Variants in TAF5 observed in about 807,000 individuals in gnomAD.
TAF5 encodes the protein TATA-box binding protein associated factor 5.
In TAF5, 20 loss-of-function variants were observed where a neutral mutation model predicts 80.9. The ratio of observed to expected loss-of-function variants is 0.25; its 90% CI spans 0.17 to 0.36. TAF5 has a LOEUF of 0.36. Ranked by LOEUF, TAF5 falls within the 10% of genes least tolerant of loss-of-function variation. The pLI, the probability that TAF5 is intolerant of heterozygous loss-of-function variation, is 1.00. For missense variants in TAF5, 863 were observed against 1,029.4 expected (o/e 0.84, Z 2.21); for synonymous variants, 388 against 406.4 (o/e 0.95, Z 0.55).
intron 2 of TAF5, 45 bp downstream of exon 2, chr10:103,373,640 T>TGTGTGTGTGC: frequency 7.1e-7 from 1 of 1,403,232 alleles, no homozygotes. Context: ...ATACGTAGTG[T>TGTGTGTGTGC]GTGTGTGTGC....
chr10:103,379,230 C>T (rs2093376568), intron 3 of TAF5, among the ~76,000 whole-genome samples: 1 of 152,210 alleles, frequency 6.6e-6, no homozygotes, highest in Non-Finnish European at 1.5e-5. Flanking sequence ...ATGGCTGTTG[C>T]AGTTTCAGCA....
rs1218924005 is a variant in TAF5 at position 103,387,503 on chromosome 10, C to A, written c.2008-18C>A. ...TTTCCTAGACATACTTTGATCTTTT[C>A]TATGAACTTTTTTCTAGGGACCAAT... On this transcript the variant is annotated intron_variant, in intron 9 of 10. Coordinates refer to ENST00000369839, the MANE Select transcript of TAF5 (RefSeq NM_006951.5). 6.3e-7 allele frequency: 1 copy of A among 1,599,510 alleles called. No individual in the cohort carries two copies. The highest frequency in any genetic ancestry group is 2.2e-5 in the East Asian group (1 of 44,752).
At position 103,388,361 on chromosome 10, in the gene TAF5, T is replaced by A. The variant is rs2133640748; in HGVS notation, c.*138T>A. ...TCTGGAAGTATGCTGCTTGGAAAAA[T>A]CTGAACAGGACAGTTCCACGTTTCT... On this transcript the variant is annotated 3_prime_UTR_variant, in exon 11 of 11. Transcript: ENST00000369839. 6 of 740,472 alleles carry A rather than the reference T, an allele frequency of 8.1e-6. No individual in the cohort carries two copies. In the South Asian group the frequency reaches 1.1e-4, roughly 14 times the overall value. The allele number at this position is 740,472 out of a possible 1,614,324, so 45.9% of individuals were successfully genotyped here.
intron 6 of TAF5, among the ~76,000 whole-genome samples, chr10:103,382,827 G>A (rs1416550255): frequency 6.6e-6 from 1 of 151,510 alleles, no homozygotes; most frequent in Non-Finnish European, 1.5e-5. Flanking sequence ...TTTATTTTTT[G>A]TAGAGACAGG....
At chr10:103,372,366 G>A (rs1175954510) in intron 1 of TAF5, among the ~76,000 whole-genome samples, 1 of 149,220 alleles carries the variant, frequency 6.7e-6, no homozygotes, top group African/African-American at 2.5e-5. Flanking sequence ...ATGGAGTCTT[G>A]CTCTGTCGCC....
intron 5 of TAF5, among the ~76,000 whole-genome samples, chr10:103,380,618 T>A (rs1021629393): frequency 1.4e-5 from 2 of 144,642 alleles, no homozygotes; most frequent in Non-Finnish European, 3.1e-5. Context: ...TATTTATCAA[T>A]TTTTTTTTTT....
rs146404171 is a variant in TAF5, at chr10:103,387,129, G to A, written c.1830-46G>A. On this transcript the variant is annotated intron_variant, in intron 8 of 10. Transcript: ENST00000369839. ...TTGTATAGATTTTTGGCGTTTCACA[G>A]CTATCTACTAATTGTCATCTTTTGC... The A allele has an allele frequency of 3.7e-4, 576 of 1,560,866 alleles. 6 individuals are homozygous for A. In the East Asian group the frequency reaches 9.6e-3, roughly 26 times the overall value.
intron 1 of TAF5, 41 bp downstream of exon 1, chr10:103,368,589 G>A (rs554776652): frequency 9.6e-6 from 14 of 1,452,328 alleles, no homozygotes; most frequent in Admixed American, 2.6e-5. Context: ...CGCCGCGAAG[G>A]GGAGCAAGCC....
intron 5 of TAF5, among the ~76,000 whole-genome samples, chr10:103,380,600 C>T (rs1053769074): frequency 2.6e-5 from 4 of 151,792 alleles, no homozygotes; most frequent in Admixed American, 1.3e-4. Context: ...TAAGTACTTA[C>T]GTAAACTTAT....
rs1230088237 is a variant in TAF5 at position 103,368,157 on chromosome 10, C to T, written c.168C>T (p.Ser56=). The T allele has an allele frequency of 2.9e-6, 4 of 1,396,316 alleles. No homozygotes were observed. The highest frequency in any genetic ancestry group is 3.0e-5 in the East Asian group (1 of 33,142). The allele number at this position is 1,396,316 out of a possible 1,614,324, so 86.5% of individuals were successfully genotyped here. The stretch of plus-strand genomic sequence containing the variant: ...GCGGGAACGTTGCGGCGTCGTCGTC[C>T]ACTGGCGGGGATGGCGGGACCCCCA... ...GGGGNVAASS[S]TGGDGGTPKP... is the part of the protein sequence containing the mutation. Residue 56 remains serine, a synonymous_variant, in exon 1 of 11, where the codon TCC becomes TCT. Coordinates refer to ENST00000369839, the MANE Select transcript of TAF5 (RefSeq NM_006951.5).
chr10:103,376,220 T>C (rs2093369743), intron 2 of TAF5, among the ~76,000 whole-genome samples: 1 of 151,766 alleles, frequency 6.6e-6, no homozygotes, highest in African/African-American at 2.4e-5. Context: ...GCCTCCCAAG[T>C]AGCTGGGATT....
chr10:103,371,714 A>T (rs1465629244), intron 1 of TAF5, among the ~76,000 whole-genome samples: 1 of 152,214 alleles, frequency 6.6e-6, no homozygotes, highest in African/African-American at 2.4e-5. Context: ...AGATGTATAT[A>T]ATGTGAAGGG....
intron 7 of TAF5, 80 bp downstream of exon 7, chr10:103,383,447 C>A: frequency 1.5e-6 from 2 of 1,343,328 alleles, no homozygotes; most frequent in Non-Finnish European, 2.0e-6. Flanking sequence ...AAACATTATG[C>A]AAATGCTGGG....
rs2093399511 is a variant in TAF5, at chr10:103,387,416, C to A, written c.2007+64C>A. ...TTTCAAAATAAAAATATTTTTTAAA[C>A]AAGTGACACATAAATTTTAAAGATA... On this transcript the variant is annotated intron_variant, in intron 9 of 10. Transcript: ENST00000369839. 3.2e-5 allele frequency: 49 copies of A among 1,551,678 alleles called. No homozygotes were observed. The South Asian group carries it at 5.6e-4, about 18-fold the overall frequency.
chr10:103,372,821 G>A (rs977573144), intron 1 of TAF5, among the ~76,000 whole-genome samples: 6 of 151,338 alleles, frequency 4.0e-5, no homozygotes, highest in South Asian at 2.1e-4. Flanking sequence ...GCTTGAACCC[G>A]AGATGGGGAG....
At chr10:103,375,309 T>G (rs976341725) in intron 2 of TAF5, among the ~76,000 whole-genome samples, 1 of 151,634 alleles carries the variant, frequency 6.6e-6, no homozygotes, top group African/African-American at 2.4e-5. Context: ...GTGGTGGAGG[T>G]GAAGAGAAGT....
rs938480486 is a variant in TAF5, at chr10:103,387,535, C to G, written c.2022C>G (p.Ser674=). 2 of 1,612,830 alleles carry G rather than the reference C, an allele frequency of 1.2e-6. No homozygotes were observed. Among genetic ancestry groups the G allele is most frequent in the Admixed American group, 3.4e-5 (2 of 59,562 alleles). The change falls in exon 10 of 11, where the codon TCC becomes TCG. Residue 674 remains serine, a synonymous_variant. Coordinates refer to ENST00000369839, the MANE Select transcript of TAF5 (RefSeq NM_006951.5). ...IFTGHKGPIH[S]LTFSPNGRFL... ...CTTTTTTCTAGGGACCAATTCATTC[C>G]TTGACATTTTCTCCCAATGGGAGAT...
intron 5 of TAF5, among the ~76,000 whole-genome samples, chr10:103,380,668 G>A (rs2093380704): frequency 6.6e-6 from 1 of 150,780 alleles, no homozygotes; most frequent in Admixed American, 6.6e-5. Flanking sequence ...AGGGTGGAGT[G>A]CAGAGGTGAG....
Position 103,387,522 on chromosome 10 carries a change from G to A in TAF5, c.2009G>A (p.Gly670Glu). The change falls in exon 10 of 11, where the codon GGA becomes GAA. Residue 670 changes from glycine (G) to glutamate (E), a missense_variant and splice_region_variant. Coordinates refer to ENST00000369839, the MANE Select transcript of TAF5 (RefSeq NM_006951.5). ...NCVRIFTGHKGPIHSLTFSPN... is the reference protein window; with the variant it reads ...NCVRIFTGHKEPIHSLTFSPN... ...TCTTTTCTATGAACTTTTTTCTAGG[G>A]ACCAATTCATTCCTTGACATTTTCT... is the stretch of plus-strand genomic sequence containing the variant. 6.2e-7 allele frequency: 1 copy of A among 1,608,522 alleles called. No individual in the cohort carries two copies. The highest frequency in any genetic ancestry group is 1.3e-5 in the African/African-American group (1 of 74,584).
Sources: allele counts gnomAD v4.1 joint callset (sites outside exome capture counted in the v4.1 genomes callset), GRCh38; gene constraint gnomAD v4.1.1; transcripts MANE v1.5; gene names NCBI Gene and HGNC (gene_info 2026-07-23, HGNC 2026-07-21).